STARD13: variants seen among roughly 807,000 people sequenced by gnomAD.
The protein encoded by STARD13 is stAR-related lipid transfer protein 13.
Under a neutral mutation model 106.4 loss-of-function variants are expected in STARD13, and 62 were observed. The ratio of observed to expected loss-of-function variants is 0.58; its 90% CI spans 0.48 to 0.72. The LOEUF (loss-of-function observed/expected upper bound fraction) is 0.72, where lower values mean the gene tolerates loss of function less well. STARD13 is among the 30% of genes least tolerant of loss of function. The pLI, the probability that STARD13 is intolerant of heterozygous loss-of-function variation, is 0.00. For missense variants in STARD13, 1,387 were observed against 1,424.0 expected (o/e 0.97, Z 0.42); for synonymous variants, 565 against 553.0 (o/e 1.02, Z -0.31).
At chr13:33,623,878 T>G in the STARD13 span, among the ~76,000 whole-genome samples, 1 of 152,182 alleles carries the variant, frequency 6.6e-6, no homozygotes, top group African/African-American at 2.4e-5. Context: ...CCATTCATTA[T>G]TAGAGAAATG....
chr13:33,461,187 G>A, the STARD13 span, among the ~76,000 whole-genome samples: 7 of 152,274 alleles, frequency 4.6e-5, no homozygotes, highest in East Asian at 3.9e-4. Flanking sequence ...GTGCTGGCAT[G>A]TGTTAAAACT....
At chr13:33,348,660 A>ACCAT (rs1331929397) in exon 2 of STARD13, 3 of 155,326 alleles carry the variant, frequency 1.9e-5, no homozygotes, top group African/African-American at 7.2e-5. Flanking sequence ...TTTCTCTAAC[A>ACCAT]CCATCCATCA....
intron 1 of STARD13, among the ~76,000 whole-genome samples, chr13:33,238,627 T>C (rs1889313320): frequency 6.6e-6 from 1 of 152,134 alleles, no homozygotes. Flanking sequence ...AGAAAATCTA[T>C]GAGCTCTAGA....
Position 33,206,020 on chromosome 13 carries a change from A to G in STARD13, c.170-38398T>C, listed in dbSNP as rs1023686523. ...GTTGTCTGTGAGACTGGTCCACATC[A>G]TTCTAGCCTGATCAATGGTGTGCCT... On this transcript the variant is annotated intron_variant, in intron 1 of 13. Coordinates refer to ENST00000336934, the MANE Select transcript of STARD13 (RefSeq NM_178006.4). 1.2e-5 allele frequency: 12 copies of G among 985,226 alleles called. No individual in the cohort carries two copies. In the African/African-American group the frequency reaches 1.9e-4, roughly 16 times the overall value. The allele number at this position is 985,226 out of a possible 1,614,324, so 61.0% of individuals were successfully genotyped here.
rs1223991954 is a variant in STARD13, at chr13:33,149,341, A to C, written c.324-6968T>G. ...TGAAAACTCTCTGTAGTTTCTGCTCAGTTTTGTTGTGAACCTAAAAATTCT... is the reference window on the plus strand; with the variant it reads ...TGAAAACTCTCTGTAGTTTCTGCTCCGTTTTGTTGTGAACCTAAAAATTCT... On this transcript the variant is annotated intron_variant, in intron 3 of 13. Coordinates refer to ENST00000336934, the MANE Select transcript of STARD13 (RefSeq NM_178006.4). Among the ~76,000 whole-genome samples the C allele has an allele frequency of 3.9e-5, 6 of 152,226 alleles. No individual in the cohort carries two copies. In the East Asian group the frequency reaches 1.2e-3, roughly 29 times the overall value.
At chr13:33,272,462 A>G (rs1177881182) in intron 1 of STARD13, 1 of 152,214 alleles carries the variant, frequency 6.6e-6, no homozygotes, top group Non-Finnish European at 1.5e-5. Context: ...GTGGTGAGAA[A>G]TATAAAAGTC....
At chr13:33,152,378 C>T (rs1881396308) in intron 3 of STARD13, among the ~76,000 whole-genome samples, 2 of 149,516 alleles carry the variant, frequency 1.3e-5, no homozygotes, top group South Asian at 4.2e-4. Flanking sequence ...TACTACTTTG[C>T]TGACACTATA....
the STARD13 span, chr13:33,676,735 G>C: frequency 1.3e-5 from 2 of 152,170 alleles, no homozygotes; most frequent in Non-Finnish European, 2.9e-5. Context: ...CAAATGTGCA[G>C]GATTTATTTT....
intron 3 of STARD13, among the ~76,000 whole-genome samples, chr13:33,163,375 C>T (rs112724394): frequency 3.0e-4 from 45 of 151,654 alleles, no homozygotes; most frequent in African/African-American, 1.0e-3. Context: ...TCACTTGAGG[C>T]CAGGAGGAGT....
At chr13:33,171,483 T>G (rs1340603159) in intron 1 of STARD13, among the ~76,000 whole-genome samples, 1 of 152,252 alleles carries the variant, frequency 6.6e-6, no homozygotes, top group Non-Finnish European at 1.5e-5. Flanking sequence ...TATTTTTGTC[T>G]GTCCAACATC....
the STARD13 span, among the ~76,000 whole-genome samples, chr13:33,561,275 C>A: frequency 6.6e-6 from 1 of 151,182 alleles, no homozygotes; most frequent in African/African-American, 2.5e-5. Flanking sequence ...AGGATTTATT[C>A]TAGGGCTTAA....
At chr13:33,516,519 A>G in the STARD13 span, among the ~76,000 whole-genome samples, 5 of 152,048 alleles carry the variant, frequency 3.3e-5, no homozygotes, top group Non-Finnish European at 7.4e-5. Flanking sequence ...TCCATATCCA[A>G]AGTTAATTTG....
chr13:33,400,543 C>T, the STARD13 span, among the ~76,000 whole-genome samples: 1 of 151,692 alleles, frequency 6.6e-6, no homozygotes, highest in Admixed American at 6.6e-5. Flanking sequence ...CTCACTGTAA[C>T]CTCCACTCCC....
Position 33,106,931 on chromosome 13 carries a change from G to C in STARD13, c.3051C>G (p.Thr1017=), listed in dbSNP as rs1282227569. Reference sequence around the variant, plus strand: ...TTCCTTTGGGCAAATCAGTTTTCCAGGTCCTGTAGCAAAACAATCCGCACA... The same window carrying C: ...TTCCTTTGGGCAAATCAGTTTTCCACGTCCTGTAGCAAAACAATCCGCACA... The part of the protein sequence containing the change: ...HPSRDFVVLR[T]WKTDLPKGMC... Residue 1017 remains threonine, a synonymous_variant, in exon 13 of 14, where the codon ACC becomes ACG. Coordinates refer to ENST00000336934, the MANE Select transcript of STARD13 (RefSeq NM_178006.4). The C allele has an allele frequency of 1.2e-6, 2 of 1,611,684 alleles. No homozygotes were observed. The highest frequency in any genetic ancestry group is 2.7e-5 in the African/African-American group (2 of 75,006).
intron 1 of STARD13, among the ~76,000 whole-genome samples, chr13:33,262,463 G>C (rs945395296): frequency 3.9e-5 from 6 of 152,202 alleles, no homozygotes; most frequent in African/African-American, 1.4e-4. Context: ...AGGGGATAAT[G>C]AGTGTTTCTT....
chr13:33,593,027 G>C, the STARD13 span, among the ~76,000 whole-genome samples: 1 of 152,090 alleles, frequency 6.6e-6, no homozygotes, highest in East Asian at 1.9e-4. Context: ...GGTGGGAAGA[G>C]CTCCAGAGAT....
At chr13:33,286,542 C>T (rs992489412), upstream of STARD13, among the ~76,000 whole-genome samples, 1 of 152,192 alleles carries the variant, frequency 6.6e-6, no homozygotes, top group Non-Finnish European at 1.5e-5. Context: ...AAGATACTGT[C>T]ATCAACCTGC....
the STARD13 span, among the ~76,000 whole-genome samples, chr13:33,423,346 G>T: frequency 6.6e-6 from 1 of 152,112 alleles, no homozygotes; most frequent in Non-Finnish European, 1.5e-5. Flanking sequence ...TGAAAAAATG[G>T]TCATCATCAC....
intron 1 of STARD13, among the ~76,000 whole-genome samples, chr13:33,232,653 G>A (rs1036844569): frequency 6.6e-6 from 1 of 152,162 alleles, no homozygotes; most frequent in Non-Finnish European, 1.5e-5. Flanking sequence ...CAGCCCAATT[G>A]TCCCATAGAA....
Sources: gnomAD v4.1 joint callset for allele counts (sites outside exome capture counted in the v4.1 genomes callset) on GRCh38, gnomAD v4.1.1 for gene constraint, MANE v1.5 for transcripts, NCBI Gene and HGNC (gene_info 2026-07-23, HGNC 2026-07-21) for gene names.